The following KLHL25 variants were observed in gnomAD, a reference collection of about 807,000 sequenced individuals.
KLHL25 encodes the protein kelch like family member 25.
KLHL25 carries 41 observed loss-of-function variants against 30.0 expected under a neutral mutation model. The ratio of observed to expected loss-of-function variants is 1.37; its 90% confidence interval spans 1.07 to 1.78. KLHL25 has a LOEUF of 1.78. KLHL25 is among the 40% of genes most tolerant of loss of function. The pLI, the probability that KLHL25 is intolerant of heterozygous loss-of-function variation, is 0.00. For missense variants in KLHL25, 971 were observed against 824.5 expected (o/e 1.18, Z -2.18); for synonymous variants, 399 against 355.3 (o/e 1.12, Z -1.38).
At chr15:85,775,902 G>C (rs960799275) in intron 1 of KLHL25, among the ~76,000 whole-genome samples, 1 of 150,976 alleles carries the variant, frequency 6.6e-6, no homozygotes, top group Non-Finnish European at 1.5e-5. Flanking sequence ...GGCCAGGCGT[G>C]GTGGCTCACA....
intron 1 of KLHL25, among the ~76,000 whole-genome samples, chr15:85,780,354 C>T (rs1597278945): frequency 6.6e-6 from 1 of 152,346 alleles, no homozygotes; most frequent in East Asian, 1.9e-4. Flanking sequence ...CAAAGAGGGG[C>T]AGCGAGATTG....
In KLHL25 at chr15:85,769,351, G is replaced by T. The variant is rs770346997; in HGVS notation, c.460C>A (p.Leu154Met). The change falls in exon 2 of 3, where the codon CTG becomes ATG. Residue 154 changes from leucine to methionine, a missense_variant. Leu to Met is a conservative substitution (Grantham distance 15). Coordinates refer to ENST00000337975, the MANE Select transcript of KLHL25 (RefSeq NM_022480.4). ...LFPSNCLGMM[L>M]LSDAHQCRRL... is the part of the protein sequence containing the mutation. ...CGGCACTGGTGGGCGTCCGAGAGCAGCATCATGCCCAGGCAGTTGGAGGGG... is the reference window on the plus strand; with the variant it reads ...CGGCACTGGTGGGCGTCCGAGAGCATCATCATGCCCAGGCAGTTGGAGGGG... 5 of 1,614,166 alleles carry T rather than the reference G, an allele frequency of 3.1e-6. No individual in the cohort carries two copies. Among genetic ancestry groups the T allele is most frequent in the Non-Finnish European group, 4.2e-6 (5 of 1,180,022 alleles).
At chr15:85,786,944 C>T (rs776486226) in intron 1 of KLHL25, among the ~76,000 whole-genome samples, 1 of 152,120 alleles carries the variant, frequency 6.6e-6, no homozygotes, top group African/African-American at 2.4e-5. Flanking sequence ...GATTAAAGGG[C>T]TTCATTTCAC....
intron 1 of KLHL25, among the ~76,000 whole-genome samples, chr15:85,774,863 G>A (rs1299626246): frequency 1.3e-5 from 2 of 148,248 alleles, no homozygotes; most frequent in African/African-American, 2.5e-5. Context: ...CCCGCAGTGC[G>A]ATTCTTTTTT....
intron 1 of KLHL25, among the ~76,000 whole-genome samples, chr15:85,776,436 C>A (rs2089709625): frequency 6.6e-6 from 1 of 151,808 alleles, no homozygotes; most frequent in Non-Finnish European, 1.5e-5. Context: ...TTGCAGTGAG[C>A]CAAGATCGTG....
chr15:85,767,863 A>G (rs549016859), intron 2 of KLHL25, among the ~76,000 whole-genome samples, 154 bp downstream of exon 2: 34 of 152,320 alleles, frequency 2.2e-4, no homozygotes, highest in Admixed American at 1.2e-3. Context: ...TAGAAGGCAG[A>G]GCCAGGATTT....
chr15:85,783,432 C>G (rs1342728510), intron 1 of KLHL25, among the ~76,000 whole-genome samples: 10 of 151,840 alleles, frequency 6.6e-5, no homozygotes, highest in Non-Finnish European at 1.3e-4. Flanking sequence ...TGGTTCATGC[C>G]TATAATCACA....
Position 85,760,882 on chromosome 15 carries a change from A to G in KLHL25, c.*154T>C, listed in dbSNP as rs2151803514. 1 of 152,424 alleles carries G rather than the reference A, an allele frequency of 6.6e-6. No individual in the cohort carries two copies. Among genetic ancestry groups the G allele is most frequent in the African/African-American group, 2.4e-5 (1 of 41,580 alleles). 9.4% of individuals were successfully genotyped at this position (152,424 alleles called of 1,614,324 possible). A position where few individuals can be genotyped will look rare whatever the true frequency, so the allele number is the denominator to read the frequency against. On this transcript the variant is annotated 3_prime_UTR_variant, in exon 3 of 3. Transcript: ENST00000337975. ...TTCTCTTCTCTTGCCTAAAGCTCAG[A>G]ACAGCCCAAGGCTGCTGCTCCCCAG...
At chr15:85,772,200 G>C (rs577960552) in intron 1 of KLHL25, among the ~76,000 whole-genome samples, 1 of 152,292 alleles carries the variant, frequency 6.6e-6, no homozygotes, top group East Asian at 1.9e-4. Flanking sequence ...GGGAAACGTG[G>C]AGAGCCAAGG....
At chr15:85,772,930 C>T (rs1433779995) in intron 1 of KLHL25, among the ~76,000 whole-genome samples, 2 of 152,262 alleles carry the variant, frequency 1.3e-5, no homozygotes, top group Admixed American at 6.5e-5. Context: ...GTGCCAAGGG[C>T]GGAAGCACCT....
chr15:85,785,842 G>GATAT, intron 1 of KLHL25, among the ~76,000 whole-genome samples: 1 of 152,290 alleles, frequency 6.6e-6, no homozygotes, highest in South Asian at 2.1e-4. Flanking sequence ...CTGCAACACA[G>GATAT]ATATACCAGT....
chr15:85,781,832 TAAGAAA>T lies in KLHL25; in HGVS notation c.-10-12018_-10-12013del, dbSNP rs1260909244. ...ACTAACCACTGTTTTTTTTAAGAACTAAGAAAAAGAAAATTCTGTAGGAAGCATGGG... is the reference window on the plus strand; with the variant it reads ...ACTAACCACTGTTTTTTTTAAGAACTAAGAAAATTCTGTAGGAAGCATGGG... On this transcript the variant is annotated intron_variant, in intron 1 of 2. Transcript: ENST00000337975. 2.0e-4 allele frequency among the ~76,000 whole-genome samples: 31 copies of T among 152,162 alleles called. No homozygotes were observed. In the East Asian group the frequency reaches 5.2e-3, roughly 26 times the overall value.
At chr15:85,774,404 G>A (rs534846706) in intron 1 of KLHL25, among the ~76,000 whole-genome samples, 7 of 152,254 alleles carry the variant, frequency 4.6e-5, no homozygotes, top group East Asian at 1.9e-4. Context: ...AAAATGTACC[G>A]GGTAACAATG....
intron 1 of KLHL25, among the ~76,000 whole-genome samples, chr15:85,794,516 T>A (rs775779625): frequency 1.6e-3 from 248 of 152,168 alleles, no homozygotes; most frequent in Admixed American, 3.2e-3. Flanking sequence ...GCCAAACAAT[T>A]CATTCCCTCG....
chr15:85,768,326 G>T lies in KLHL25; in HGVS notation c.1485C>A (p.Phe495Leu). The T allele has an allele frequency of 6.2e-7, 1 of 1,613,938 alleles. No individual in the cohort carries two copies. The highest frequency in any genetic ancestry group is 8.5e-7 in the Non-Finnish European group (1 of 1,180,032). ...TGAATTCCGTGTCACCTCCCATGAT[G>T]AAGATCTGGCTGCCCAGGACGGCAG... Reference protein sequence around the residue: ...TAAAVLGSQIFIMGGDTEFTA... With the variant: ...TAAAVLGSQILIMGGDTEFTA... The change falls in exon 2 of 3, where the codon TTC becomes TTA. Residue 495 changes from phenylalanine (F) to leucine (L), a missense_variant. Transcript: ENST00000337975.
At chr15:85,766,249 G>A (rs568416532) in intron 2 of KLHL25, among the ~76,000 whole-genome samples, 1 of 152,356 alleles carries the variant, frequency 6.6e-6, no homozygotes, top group East Asian at 1.9e-4. Context: ...CCCTCCGGCA[G>A]GACAGCTCAT....
At position 85,780,738 on chromosome 15, in the gene KLHL25, C is replaced by T. The variant is rs139551890; in HGVS notation, c.-10-10918G>A. On this transcript the variant is annotated intron_variant, in intron 1 of 2. Transcript: ENST00000337975. ...CTCTCAATTCCCAAAGCCCAAGACA[C>T]AACTCTTTCTTTACCCGCTGACAGA... Among the ~76,000 whole-genome samples, 35 of 152,350 alleles carry T rather than the reference C, an allele frequency of 2.3e-4. No individual in the cohort carries two copies. In the East Asian group the frequency reaches 6.6e-3, roughly 29 times the overall value.
chr15:85,770,449 G>A (rs972319292), intron 1 of KLHL25: 4 of 525,544 alleles, frequency 7.6e-6, no homozygotes, highest in East Asian at 5.5e-5. Flanking sequence ...GCCCTGGGCC[G>A]GGCTCCAAGC....
At chr15:85,773,217 G>C (rs1255172700) in intron 1 of KLHL25, among the ~76,000 whole-genome samples, 1 of 152,138 alleles carries the variant, frequency 6.6e-6, no homozygotes, top group African/African-American at 2.4e-5. Context: ...TCCCGGCACA[G>C]AGGTCACTTG....
Sources: gnomAD v4.1 joint callset for allele counts (sites outside exome capture counted in the v4.1 genomes callset) on GRCh38, gnomAD v4.1.1 for gene constraint, MANE v1.5 for transcripts, NCBI Gene and HGNC (gene_info 2026-07-23, HGNC 2026-07-21) for gene names.